WDFY2: variants seen among roughly 807,000 people sequenced by gnomAD.
WDFY2 encodes WD repeat and FYVE domain-containing protein 2.
Under a neutral mutation model 56.4 loss-of-function variants are expected in WDFY2, and 36 were observed. The ratio of observed to expected loss-of-function variants is 0.64; its 90% confidence interval spans 0.49 to 0.84. WDFY2 has a LOEUF of 0.84. WDFY2 is among the 40% of genes least tolerant of loss of function. The pLI, the probability that WDFY2 is intolerant of heterozygous loss-of-function variation, is 0.00. For synonymous variants in WDFY2, 176 were observed against 183.7 expected, an observed-to-expected ratio of 0.96 and a Z score of 0.34; for missense variants, 444 against 512.2, an observed-to-expected ratio of 0.87 and a Z score of 1.29.
In WDFY2 at chr13:51,703,625, G is replaced by C. The variant is rs747066090; in HGVS notation, c.309G>C (p.Lys103Asn). The C allele has an allele frequency of 2.5e-6, 4 of 1,609,090 alleles. No homozygotes were observed. The East Asian group carries it at 8.9e-5, about 36-fold the overall frequency. The change falls in exon 4 of 12, where the codon AAG (lysine) becomes AAC (asparagine). Residue 103 changes from lysine to asparagine, a missense_variant. Lys to Asn is a moderately conservative substitution (Grantham distance 94). Transcript: ENST00000298125. ...TTATATTGTCAGAAGATTATAACAA[G>C]ATGACTCCTGTGAAAAACTATCAAG... Reference protein sequence around the residue: ...SEFILSEDYNKMTPVKNYQAH... With the variant: ...SEFILSEDYNNMTPVKNYQAH...
intron 1 of WDFY2, among the ~76,000 whole-genome samples, chr13:51,593,097 C>T (rs757253714): frequency 3.9e-5 from 6 of 152,218 alleles, no homozygotes; most frequent in African/African-American, 7.2e-5. Flanking sequence ...TGATTGTAAT[C>T]ATACACTTTT....
chr13:51,693,077 TTCTC>T (rs1394818840), intron 3 of WDFY2, among the ~76,000 whole-genome samples: 1 of 152,202 alleles, frequency 6.6e-6, no homozygotes, highest in Admixed American at 6.5e-5. Flanking sequence ...TATTTGATTC[TTCTC>T]TCTTTTTTTC....
At chr13:51,667,950 G>C (rs1298965565) in intron 2 of WDFY2, among the ~76,000 whole-genome samples, 2 of 137,052 alleles carry the variant, frequency 1.5e-5, no homozygotes, top group African/African-American at 5.7e-5. Context: ...GCAGTGCAGT[G>C]GCACGATCTC....
At chr13:51,750,215 T>C (rs1365809530) in intron 7 of WDFY2, among the ~76,000 whole-genome samples, 1 of 152,172 alleles carries the variant, frequency 6.6e-6, no homozygotes, top group Non-Finnish European at 1.5e-5. Context: ...GTTCTGTGAT[T>C]TTAGGAGGAT....
At chr13:51,753,901 A>C (rs1373613653) in intron 8 of WDFY2, among the ~76,000 whole-genome samples, 1 of 151,766 alleles carries the variant, frequency 6.6e-6, no homozygotes, top group African/African-American at 2.4e-5. Context: ...CCTGGTCAAC[A>C]TGGCGAAACC....
intron 2 of WDFY2, among the ~76,000 whole-genome samples, chr13:51,661,275 C>T (rs1413774994): frequency 1.3e-5 from 2 of 151,972 alleles, no homozygotes; most frequent in South Asian, 2.1e-4. Flanking sequence ...AAGACCTGGC[C>T]CCCCAAAATA....
intron 3 of WDFY2, among the ~76,000 whole-genome samples, chr13:51,697,523 C>T (rs1951900912): frequency 6.6e-6 from 1 of 151,704 alleles, no homozygotes; most frequent in Non-Finnish European, 1.5e-5. Context: ...GTCCCAGCTA[C>T]TCAGGAGGCT....
At chr13:51,594,507 A>C (rs1216405375) in intron 1 of WDFY2, among the ~76,000 whole-genome samples, 1 of 152,184 alleles carries the variant, frequency 6.6e-6, no homozygotes, top group Non-Finnish European at 1.5e-5. Flanking sequence ...AGTTCTCATA[A>C]TCAGCAGGGC....
intron 1 of WDFY2, among the ~76,000 whole-genome samples, chr13:51,615,391 A>C (rs965019215): frequency 7.2e-5 from 11 of 152,070 alleles, no homozygotes; most frequent in African/African-American, 2.7e-4. Context: ...TGATTCCCAG[A>C]TTGGTAAATA....
At chr13:51,729,476 CTT>C (rs1456042298) in intron 6 of WDFY2, among the ~76,000 whole-genome samples, 5 of 151,252 alleles carry the variant, frequency 3.3e-5, no homozygotes, top group Admixed American at 1.3e-4. Context: ...AACAAACAAA[CTT>C]TTTCTCTCCC....
chr13:51,735,296 A>G (rs769510252), intron 6 of WDFY2, among the ~76,000 whole-genome samples: 1 of 152,236 alleles, frequency 6.6e-6, no homozygotes, highest in Non-Finnish European at 1.5e-5. Flanking sequence ...CCTGCATACC[A>G]GTCACTGTGT....
At position 51,671,711 on chromosome 13, in the gene WDFY2, T is replaced by C. The variant is rs566636325; in HGVS notation, c.206-3459T>C. Among the ~76,000 whole-genome samples, 12 of 152,138 alleles carry C rather than the reference T, an allele frequency of 7.9e-5. No homozygotes were observed. The South Asian group carries it at 2.1e-3, about 26-fold the overall frequency. ...CTGTTTACTCTGCTGATTGTTTCTT[T>C]TGCTAGGCAGAAGATTTTTAGTTTA... On this transcript the variant is annotated intron_variant, in intron 2 of 11. Transcript: ENST00000298125.
At chr13:51,677,795 C>G (rs976048853) in intron 3 of WDFY2, among the ~76,000 whole-genome samples, 1 of 151,920 alleles carries the variant, frequency 6.6e-6, no homozygotes, top group African/African-American at 2.4e-5. Flanking sequence ...TGGTAGGAGA[C>G]AAGCAGCAAG....
intron 5 of WDFY2, among the ~76,000 whole-genome samples, chr13:51,724,664 C>T (rs1166695150): frequency 6.6e-6 from 1 of 152,214 alleles, no homozygotes; most frequent in East Asian, 1.9e-4. Context: ...TTACCAGCAT[C>T]CCCCGCCAGA....
chr13:51,731,862 C>T (rs551091885), intron 6 of WDFY2, among the ~76,000 whole-genome samples: 1 of 152,292 alleles, frequency 6.6e-6, no homozygotes, highest in African/African-American at 2.4e-5. Context: ...AGTCGTAGCC[C>T]TTCACCCCAT....
intron 2 of WDFY2, among the ~76,000 whole-genome samples, chr13:51,673,968 A>T (rs1405643104): frequency 2.0e-5 from 3 of 152,150 alleles, no homozygotes; most frequent in Admixed American, 1.3e-4. Context: ...TGTTTTATTC[A>T]GGGCCCTTTT....
intron 2 of WDFY2, among the ~76,000 whole-genome samples, chr13:51,668,065 G>T (rs898957134): frequency 5.9e-5 from 9 of 151,466 alleles, no homozygotes; most frequent in Non-Finnish European, 1.2e-4. Context: ...CTAATTTTTT[G>T]TATTTTTAGT....
At chr13:51,597,422 T>C (rs1954171880) in intron 1 of WDFY2, among the ~76,000 whole-genome samples, 2 of 152,220 alleles carry the variant, frequency 1.3e-5, no homozygotes, top group Non-Finnish European at 2.9e-5. Flanking sequence ...TTGAAAACTT[T>C]TGAAGCAATG....
At chr13:51,595,912 G>C (rs941765913) in intron 1 of WDFY2, among the ~76,000 whole-genome samples, 9 of 152,090 alleles carry the variant, frequency 5.9e-5, no homozygotes, top group African/African-American at 2.2e-4. Context: ...TGGGGGCCAG[G>C]GACTGGAGTC....
Sources: gnomAD v4.1 joint callset for allele counts (sites outside exome capture counted in the v4.1 genomes callset) on GRCh38, gnomAD v4.1.1 for gene constraint, MANE v1.5 for transcripts, NCBI Gene and HGNC (gene_info 2026-07-23, HGNC 2026-07-21) for gene names.